The following SMYD1 variants were observed in gnomAD, a reference collection of about 807,000 sequenced individuals.
The protein encoded by SMYD1 is histone-lysine N-methyltransferase SMYD1.
A neutral mutation model predicts 54.0 loss-of-function variants in SMYD1; 49 were observed. That is an observed-to-expected ratio of 0.91 (90% CI 0.72 to 1.15). SMYD1 has a LOEUF of 1.15. Ranked by LOEUF, SMYD1 falls within the 50% of genes most tolerant of loss-of-function variation. The probability of loss-of-function intolerance (pLI) is 0.00; values close to 1 mark genes in which losing one functional copy is unlikely to be tolerated. For missense variants in SMYD1, 653 were observed against 639.6 expected (o/e 1.02, Z -0.23); for synonymous variants, 269 against 234.2 (o/e 1.15, Z -1.36).
chr2:88,078,373 G>A (rs76907039), intron 1 of SMYD1, among the ~76,000 whole-genome samples: 1 of 152,260 alleles, frequency 6.6e-6, no homozygotes, highest in East Asian at 1.9e-4. Context: ...AAAAGTACTG[G>A]TCAGTAGTCT....
chr2:88,095,606 C>T (rs957941376), intron 5 of SMYD1, among the ~76,000 whole-genome samples: 3 of 152,282 alleles, frequency 2.0e-5, no homozygotes, highest in East Asian at 1.9e-4. Flanking sequence ...GATGCTCTCC[C>T]CAGCCCTCTG....
chr2:88,109,099 T>C (rs576380597), intron 9 of SMYD1, among the ~76,000 whole-genome samples: 2 of 152,248 alleles, frequency 1.3e-5, no homozygotes, highest in African/African-American at 4.8e-5. Context: ...ATCCAAACCA[T>C]ATCACCTTGC....
At chr2:88,108,289 A>G in intron 8 of SMYD1, 82 bp from the exon 9 acceptor site, 1 of 1,352,176 alleles carries the variant, frequency 7.4e-7, no homozygotes, top group Non-Finnish European at 9.8e-7. Flanking sequence ...TTAATCAACA[A>G]GGGCACTTTA....
intron 2 of SMYD1, among the ~76,000 whole-genome samples, chr2:88,086,548 C>T (rs905434428): frequency 6.6e-6 from 1 of 152,184 alleles, no homozygotes; most frequent in Non-Finnish European, 1.5e-5. Flanking sequence ...TCCTCCTCTT[C>T]CCCCAGAGCC....
At chr2:88,080,418 G>A (rs1267396278) in intron 1 of SMYD1, among the ~76,000 whole-genome samples, 1 of 152,206 alleles carries the variant, frequency 6.6e-6, no homozygotes, top group Non-Finnish European at 1.5e-5. Flanking sequence ...TAAAAAGATG[G>A]AGGATATTGT....
chr2:88,102,668 T>G (rs112499513), intron 6 of SMYD1, among the ~76,000 whole-genome samples: 1 of 152,204 alleles, frequency 6.6e-6, no homozygotes, highest in African/African-American at 2.4e-5. Flanking sequence ...AATGTAAGGA[T>G]GTACCTGTGG....
intron 9 of SMYD1, among the ~76,000 whole-genome samples, chr2:88,108,874 C>A (rs890574541): frequency 1.3e-5 from 2 of 152,116 alleles, no homozygotes; most frequent in Non-Finnish European, 2.9e-5. Context: ...CAGTGTGTCA[C>A]CTGATGAAAG....
chr2:88,101,053 G>T (rs1055330676), intron 6 of SMYD1, among the ~76,000 whole-genome samples: 1 of 152,214 alleles, frequency 6.6e-6, no homozygotes, highest in African/African-American at 2.4e-5. Context: ...CCTTAGGAGA[G>T]CCTGACCCTG....
rs1481581789 is a variant in SMYD1 at position 88,089,583 on chromosome 2, C to CTCTTTTTTTTTTTTTTTTTTTTTTTT, written c.529-1428_529-1427insCTTTTTTTTTTTTTTTTTTTTTTTTT. 2.6e-5 allele frequency among the ~76,000 whole-genome samples: 3 copies of CTCTTTTTTTTTTTTTTTTTTTTTTTT among 114,992 alleles called. 1 individual carries two copies. The highest frequency in any genetic ancestry group is 7.4e-5 in the African/African-American group (2 of 27,140). 75.4% of individuals were successfully genotyped at this position (114,992 alleles called of 152,430 possible). A position where few individuals can be genotyped will look rare whatever the true frequency, so the allele number is the denominator to read the frequency against. Reference sequence around the variant, plus strand: ...TATTTTCAGGAGCCAGAGCTTCTACCTGTTTTTTTTTTTTTTTTTTTTTTT... The same window carrying CTCTTTTTTTTTTTTTTTTTTTTTTTT: ...TATTTTCAGGAGCCAGAGCTTCTACCTCTTTTTTTTTTTTTTTTTTTTTTTTTGTTTTTTTTTTTTTTTTTTTTTTT... On this transcript the variant is annotated intron_variant, in intron 3 of 9. Transcript: ENST00000419482.
rs1675069842 is a variant in SMYD1 at position 88,113,209 on chromosome 2, A to G, written c.*2697A>G. 6.6e-6 allele frequency: 1 copy of G among 152,214 alleles called. No individual in the cohort carries two copies. The allele number at this position is 152,214 out of a possible 1,614,324, so 9.4% of individuals were successfully genotyped here. A position where few individuals can be genotyped will look rare whatever the true frequency, so the allele number is the denominator to read the frequency against. ...CATCTTCCTATCCCCAGAACCTTGC[A>G]CAGATCCTGGAATGTGGTAGGTGCT... On this transcript the variant is annotated 3_prime_UTR_variant, in exon 10 of 10. Transcript: ENST00000419482.
At chr2:88,092,735 G>A (rs78427661) in intron 4 of SMYD1, among the ~76,000 whole-genome samples, 2,448 of 152,316 alleles carry the variant, frequency 0.016, 23 homozygotes, top group Middle Eastern at 0.034. Flanking sequence ...CTCCCTAGAG[G>A]GGCTGTTGAC....
intron 7 of SMYD1, among the ~76,000 whole-genome samples, chr2:88,105,747 G>C (rs894481018): frequency 6.6e-6 from 1 of 152,096 alleles, no homozygotes; most frequent in Non-Finnish European, 1.5e-5. Flanking sequence ...AGACCAGCCT[G>C]GGCAACATGG....
chr2:88,103,416 G>C (rs1435907268), intron 7 of SMYD1, among the ~76,000 whole-genome samples: 1 of 152,136 alleles, frequency 6.6e-6, no homozygotes, highest in Admixed American at 6.5e-5. Flanking sequence ...TTGTCCCTGG[G>C]GGATCTGTGA....
chr2:88,110,674 A>G lies in SMYD1; in HGVS notation c.*162A>G. The G allele has an allele frequency of 1.2e-6, 1 of 840,950 alleles. No individual in the cohort carries two copies. Among genetic ancestry groups the G allele is most frequent in the Non-Finnish European group, 1.7e-6 (1 of 573,478 alleles). The allele number at this position is 840,950 out of a possible 1,614,324, so 52.1% of individuals were successfully genotyped here. On this transcript the variant is annotated 3_prime_UTR_variant, in exon 10 of 10. Transcript: ENST00000419482. ...ATGTTTCCCAGAGCCATTTTGGCTC[A>G]ATTCAAGTCTATTCAATTCAAGTTA... is the stretch of plus-strand genomic sequence containing the variant.
At chr2:88,070,376 C>T (rs1673918549) in intron 1 of SMYD1, among the ~76,000 whole-genome samples, 1 of 152,140 alleles carries the variant, frequency 6.6e-6, no homozygotes, top group African/African-American at 2.4e-5. Context: ...TCCTACTCTT[C>T]CACACAAATG....
chr2:88,091,984 G>A (rs947445089), intron 4 of SMYD1, among the ~76,000 whole-genome samples: 1 of 152,228 alleles, frequency 6.6e-6, no homozygotes, highest in African/African-American at 2.4e-5. Context: ...GGCCTGGAAG[G>A]GCAGGTGAAG....
intron 6 of SMYD1, among the ~76,000 whole-genome samples, chr2:88,101,425 G>A (rs577505862): frequency 6.6e-6 from 1 of 152,246 alleles, no homozygotes; most frequent in African/African-American, 2.4e-5. Flanking sequence ...ACAATATACT[G>A]AGTGAAAAAA....
chr2:88,107,969 ATCC>A (rs1160933868), intron 8 of SMYD1, among the ~76,000 whole-genome samples: 1 of 152,222 alleles, frequency 6.6e-6, no homozygotes, highest in Non-Finnish European at 1.5e-5. Flanking sequence ...CTGTCCGACA[ATCC>A]CCAGTGAGAT....
rs35206605 is a variant in SMYD1, at chr2:88,110,234, T to TGTGTGTGTGG, written c.1315-120_1315-119insGTGTGTGTGG. The stretch of plus-strand genomic sequence containing the variant: ...GTGTGTGTGTGTGTGTGTGTGTGTG[T>TGTGTGTGTGG]ATTCTGAGGGGGTAGAGTTGAATCT... On this transcript the variant is annotated intron_variant, in intron 9 of 9. Transcript: ENST00000419482. The TGTGTGTGTGG allele has an allele frequency of 4.4e-3, 4,443 of 1,021,278 alleles. 167 individuals carry two copies. The African/African-American group carries it at 0.064, about 15-fold the overall frequency. The allele number at this position is 1,021,278 out of a possible 1,614,324, so 63.3% of individuals were successfully genotyped here. A position where few individuals can be genotyped will look rare whatever the true frequency, so the allele number is the denominator to read the frequency against.
Sources: allele counts gnomAD v4.1 joint callset (sites outside exome capture counted in the v4.1 genomes callset), GRCh38; gene constraint gnomAD v4.1.1; transcripts MANE v1.5; gene names NCBI Gene and HGNC (gene_info 2026-07-23, HGNC 2026-07-21).